Variants in SLC35F3 observed in about 807,000 individuals in gnomAD.
SLC35F3 encodes the protein solute carrier family 35 member F3.
In SLC35F3, 25 loss-of-function variants were observed where a neutral mutation model predicts 49.9. The ratio of observed to expected loss-of-function variants is 0.50; its 90% CI spans 0.37 to 0.70. The LOEUF (loss-of-function observed/expected upper bound fraction) is 0.70, where lower values mean the gene tolerates loss of function less well. Ranked by LOEUF, SLC35F3 falls within the 30% of genes least tolerant of loss-of-function variation. SLC35F3 has a pLI of 0.00. For missense variants in SLC35F3, 525 were observed against 639.8 expected, an observed-to-expected ratio of 0.82 and a Z score of 1.94; for synonymous variants, 275 against 265.4, an observed-to-expected ratio of 1.04 and a Z score of -0.35.
intron 2 of SLC35F3, among the ~76,000 whole-genome samples, chr1:233,975,814 C>A (rs1480206299): frequency 6.6e-6 from 1 of 152,174 alleles, no homozygotes; most frequent in African/African-American, 2.4e-5. Context: ...GTTGCCAGGG[C>A]AGGGGTGGAA....
chr1:233,962,594 G>A (rs927220497), intron 2 of SLC35F3, among the ~76,000 whole-genome samples: 2 of 152,232 alleles, frequency 1.3e-5, no homozygotes, highest in Non-Finnish European at 2.9e-5. Context: ...GAAAGTTAAA[G>A]TCAGTGTGTT....
intron 2 of SLC35F3, among the ~76,000 whole-genome samples, chr1:233,945,533 T>C (rs1280386430): frequency 6.6e-6 from 1 of 152,198 alleles, no homozygotes; most frequent in African/African-American, 2.4e-5. Context: ...TGGAAAAGGT[T>C]CCTATGATTT....
At chr1:234,319,086 A>G in intron 6 of SLC35F3, 143 bp downstream of exon 6, 1 of 727,502 alleles carries the variant, frequency 1.4e-6, no homozygotes, top group Non-Finnish European at 2.3e-6. Flanking sequence ...TCTGTTTCAC[A>G]AAGTAGTCTT....
intron 2 of SLC35F3, among the ~76,000 whole-genome samples, chr1:234,177,420 A>G (rs886606472): frequency 2.0e-5 from 3 of 152,220 alleles, no homozygotes; most frequent in African/African-American, 7.2e-5. Flanking sequence ...CCTGGATGAG[A>G]GAAGTACACA....
intron 2 of SLC35F3, among the ~76,000 whole-genome samples, chr1:234,130,105 A>G (rs995002922): frequency 6.6e-6 from 1 of 152,238 alleles, no homozygotes; most frequent in African/African-American, 2.4e-5. Flanking sequence ...AAATATTTAC[A>G]ATGTATACAT....
At chr1:234,267,498 G>A (rs1177982133) in intron 3 of SLC35F3, among the ~76,000 whole-genome samples, 7 of 145,108 alleles carry the variant, frequency 4.8e-5, no homozygotes, top group African/African-American at 1.0e-4. Context: ...GCGGCTGGCC[G>A]GGCGGGGGGC....
intron 2 of SLC35F3, among the ~76,000 whole-genome samples, chr1:234,219,032 G>C (rs1667163093): frequency 7.7e-6 from 1 of 129,810 alleles, no homozygotes; most frequent in Non-Finnish European, 1.5e-5. Flanking sequence ...CTGGTGACCT[G>C]GTGACATAGA....
chr1:234,038,016 GGTTA>G (rs201843438), intron 2 of SLC35F3, among the ~76,000 whole-genome samples: 37,257 of 151,342 alleles, frequency 0.25, 9,447 homozygotes, highest in African/African-American at 0.64. Context: ...ACAATATGCA[GGTTA>G]GTTACATATG....
intron 3 of SLC35F3, among the ~76,000 whole-genome samples, chr1:234,253,296 A>C (rs1226208993): frequency 6.6e-6 from 1 of 152,144 alleles, no homozygotes; most frequent in Non-Finnish European, 1.5e-5. Flanking sequence ...ACCGCACTCC[A>C]GCCTGGGCAA....
chr1:233,920,991 A>T (rs770468929), intron 2 of SLC35F3, among the ~76,000 whole-genome samples: 51 of 152,256 alleles, frequency 3.3e-4, no homozygotes, highest in Non-Finnish European at 6.8e-4. Context: ...ACAGAGGGCC[A>T]ACTAAGCTGT....
At chr1:233,954,615 A>G (rs1269569947) in intron 2 of SLC35F3, among the ~76,000 whole-genome samples, 1 of 152,238 alleles carries the variant, frequency 6.6e-6, no homozygotes, top group African/African-American at 2.4e-5. Context: ...AGTACCTGGC[A>G]TAGGAGTCGC....
intron 3 of SLC35F3, among the ~76,000 whole-genome samples, chr1:234,232,534 A>AAAAAAAAAAAAAAAAAT (rs1667400188): frequency 6.6e-6 from 1 of 150,986 alleles, no homozygotes; most frequent in Non-Finnish European, 1.5e-5. Context: ...AAAAAAAAAA[A>AAAAAAAAAAAAAAAAAT]AAAAAAGAAA....
chr1:233,928,467 C>T (rs1662194023), intron 2 of SLC35F3, among the ~76,000 whole-genome samples: 1 of 152,130 alleles, frequency 6.6e-6, no homozygotes, highest in Non-Finnish European at 1.5e-5. Context: ...TTAGTCATTG[C>T]TGAGTTTGAA....
At chr1:233,941,969 T>C in intron 2 of SLC35F3, among the ~76,000 whole-genome samples, 1 of 148,520 alleles carries the variant, frequency 6.7e-6, no homozygotes, top group Non-Finnish European at 1.5e-5. Context: ...TTTGTTTTTT[T>C]TTTTTTTTTT....
At chr1:233,921,326 C>A (rs1324033736) in intron 2 of SLC35F3, among the ~76,000 whole-genome samples, 1 of 152,144 alleles carries the variant, frequency 6.6e-6, no homozygotes, top group Non-Finnish European at 1.5e-5. Context: ...ACAGTCTCCC[C>A]CATCTTTAAC....
intron 2 of SLC35F3, among the ~76,000 whole-genome samples, chr1:234,227,443 G>A (rs1232799337): frequency 3.6e-5 from 5 of 140,552 alleles, no homozygotes; most frequent in Non-Finnish European, 7.6e-5. Flanking sequence ...CTGTTGCCCA[G>A]GCTGGAGTCC....
intron 2 of SLC35F3, among the ~76,000 whole-genome samples, chr1:234,041,199 CAA>C (rs1177878766): frequency 6.6e-6 from 1 of 152,174 alleles, no homozygotes; most frequent in African/African-American, 2.4e-5. Context: ...TAAATACCCT[CAA>C]ATTCTCAATG....
At chr1:233,970,447 G>A (rs10737201) in intron 2 of SLC35F3, among the ~76,000 whole-genome samples, 87,658 of 151,970 alleles carry the variant, frequency 0.58, 26,626 homozygotes, top group Non-Finnish European at 0.69. Context: ...TAAGATTTGA[G>A]GGCTTTTGAA....
At chr1:234,236,955 A>G (rs1269296765) in intron 3 of SLC35F3, among the ~76,000 whole-genome samples, 1 of 121,256 alleles carries the variant, frequency 8.2e-6, no homozygotes, top group African/African-American at 2.9e-5. Context: ...ATATATATAT[A>G]TATATATATG....
Sources: allele counts gnomAD v4.1 joint callset (sites outside exome capture counted in the v4.1 genomes callset), GRCh38; gene constraint gnomAD v4.1.1; transcripts MANE v1.5; gene names NCBI Gene and HGNC (gene_info 2026-07-23, HGNC 2026-07-21).